The following CXADR variants were observed in gnomAD, a reference collection of about 807,000 sequenced individuals.
CXADR encodes the protein coxsackievirus and adenovirus receptor.
CXADR carries 20 observed loss-of-function variants against 40.3 expected under a neutral mutation model. The observed-to-expected ratio is 0.50, with a 90% CI of 0.35 to 0.72. The LOEUF (loss-of-function observed/expected upper bound fraction) is 0.72. Among genes scored for constraint, CXADR ranks in the 30% least tolerant of loss-of-function variants. The pLI, the probability that CXADR is intolerant of heterozygous loss-of-function variation, is 0.01. For missense variants in CXADR, 332 were observed against 449.1 expected (o/e 0.74, Z 2.36); for synonymous variants, 150 against 161.3 (o/e 0.93, Z 0.53).
chr21:17,578,373 A>G (rs1157893645), intron 7 of CXADR, among the ~76,000 whole-genome samples: 1 of 152,242 alleles, frequency 6.6e-6, no homozygotes, highest in African/African-American at 2.4e-5. Flanking sequence ...TGAAAGGTGT[A>G]TGGTGAAATC....
chr21:17,567,843 A>T lies in CXADR; in HGVS notation c.*2151A>T, dbSNP rs2061230966. 7.3e-6 allele frequency: 7 copies of T among 959,324 alleles called. No individual in the cohort carries two copies. Among genetic ancestry groups the T allele is most frequent in the Middle Eastern group, 5.3e-4 (1 of 1,876 alleles). 59.4% of individuals were successfully genotyped at this position (959,324 alleles called of 1,614,324 possible). Reference sequence around the variant, plus strand: ...GTAGAAGTTATCATAGAAAGTGGACACGTATAAGACTTTCCTTCCTTTTTT... The same window carrying T: ...GTAGAAGTTATCATAGAAAGTGGACTCGTATAAGACTTTCCTTCCTTTTTT... On this transcript the variant is annotated 3_prime_UTR_variant, in exon 7 of 7. Transcript: ENST00000284878.
chr21:17,518,898 C>T, intron 1 of CXADR: 2 of 1,576,718 alleles, frequency 1.3e-6, no homozygotes, highest in Non-Finnish European at 1.7e-6. Context: ...TGTCATCAGC[C>T]ATGGCTGTTT....
chr21:17,604,183 C>A, the CXADR span: 1 of 1,256,448 alleles, frequency 8.0e-7, no homozygotes, highest in South Asian at 1.3e-5. Context: ...GTGGCTCACG[C>A]CTGTAATCCA....
intron 1 of CXADR, among the ~76,000 whole-genome samples, chr21:17,531,539 C>G (rs2060676286): frequency 6.6e-6 from 1 of 152,142 alleles, no homozygotes; most frequent in Non-Finnish European, 1.5e-5. Flanking sequence ...TCATGTCAGA[C>G]TTTTTCTGCT....
At chr21:17,594,721 A>C (rs371833868), downstream of CXADR, among the ~76,000 whole-genome samples, 144 of 152,210 alleles carry the variant, frequency 9.5e-4, 3 homozygotes, top group South Asian at 0.028. Context: ...GGAGGCCATT[A>C]TCCTTAGCAA....
intron 6 of CXADR, 61 bp downstream of exon 6, chr21:17,561,537 A>G (rs760896186): frequency 3.6e-5 from 52 of 1,438,552 alleles, no homozygotes; most frequent in Non-Finnish European, 6.6e-6. Flanking sequence ...TCTCTAAAGC[A>G]TTCGTTCTCT....
the CXADR span, chr21:17,604,990 G>A: frequency 1.2e-6 from 2 of 1,613,616 alleles, no homozygotes; most frequent in Non-Finnish European, 1.7e-6. Context: ...TTATTGACAC[G>A]AATACATCTA....
chr21:17,592,788 G>A (rs1049120656), intron 7 of CXADR, among the ~76,000 whole-genome samples: 4 of 151,806 alleles, frequency 2.6e-5, no homozygotes, highest in Non-Finnish European at 4.4e-5. Context: ...TTAAAATTGT[G>A]TATGGCTTAA....
Position 17,592,704 on chromosome 21 carries a change from TAAAC to T in CXADR, c.1018-442_1018-439del, listed in dbSNP as rs202195523. 4.5e-3 allele frequency among the ~76,000 whole-genome samples: 681 copies of T among 151,968 alleles called. 22 individuals carry two copies. The East Asian group carries it at 0.079, about 18-fold the overall frequency. On this transcript the variant is annotated intron_variant, in intron 7 of 7. Coordinates refer to the CXADR transcript ENST00000400169. ...AAACGCATCTCCCTTGTGACACTAA[TAAAC>T]AAACATGCTCATGTTTGAATAGGCA...
At chr21:17,590,547 G>A (rs947514939) in intron 7 of CXADR, among the ~76,000 whole-genome samples, 17 of 152,024 alleles carry the variant, frequency 1.1e-4, no homozygotes, top group African/African-American at 4.1e-4. Context: ...GTGCTCATGA[G>A]TGCTTGTGTG....
intron 1 of CXADR, among the ~76,000 whole-genome samples, chr21:17,533,327 G>A (rs549295020): frequency 1.3e-5 from 2 of 152,292 alleles, no homozygotes; most frequent in South Asian, 2.1e-4. Flanking sequence ...TACTAGAAAT[G>A]TAGCATAGAA....
chr21:17,620,490 T>C, the CXADR span, among the ~76,000 whole-genome samples: 1 of 152,170 alleles, frequency 6.6e-6, no homozygotes, highest in East Asian at 1.9e-4. Flanking sequence ...TTAACAGATA[T>C]ATTAATTTTG....
intron 1 of CXADR, among the ~76,000 whole-genome samples, chr21:17,533,298 C>T (rs1325254202): frequency 2.0e-5 from 3 of 152,174 alleles, no homozygotes; most frequent in African/African-American, 7.2e-5. Flanking sequence ...ACCCCTGAAC[C>T]ATGTGCCACC....
chr21:17,561,475 A>C lies in CXADR; in HGVS notation c.832A>C (p.Arg278=), dbSNP rs2061119921. 1 of 1,605,180 alleles carries C rather than the reference A, an allele frequency of 6.2e-7. No homozygotes were observed. The highest frequency in any genetic ancestry group is 1.1e-5 in the South Asian group (1 of 89,114). ...KYEKEVHHDI[R]EDVPPPKSRT... ...TGAAAAGGAAGTTCATCACGATATC[A>C]GGTAATTAAGTGAGACAGGAGTTGA... Residue 278 remains arginine, a splice_region_variant and synonymous_variant, in exon 6 of 7, where the codon AGG becomes CGG. Coordinates refer to ENST00000284878, the MANE Select transcript of CXADR (RefSeq NM_001338.5).
At chr21:17,539,458 A>G (rs2060800062) in intron 1 of CXADR, among the ~76,000 whole-genome samples, 1 of 151,990 alleles carries the variant, frequency 6.6e-6, no homozygotes, top group Admixed American at 6.5e-5. Flanking sequence ...CATTTTTCTT[A>G]TTTCAGTGCC....
chr21:17,608,373 C>CA, the CXADR span, among the ~76,000 whole-genome samples: 28,904 of 136,824 alleles, frequency 0.21, 2,868 homozygotes, highest in East Asian at 0.36. Context: ...AACAATACCA[C>CA]AAAAAAAAAA....
chr21:17,602,333 CTA>C, the CXADR span, among the ~76,000 whole-genome samples: 2 of 152,102 alleles, frequency 1.3e-5, no homozygotes, highest in Admixed American at 1.3e-4. Flanking sequence ...TAAGTGAAGA[CTA>C]TGAAGAATGT....
At chr21:17,514,327 G>A (rs1385563535) in intron 1 of CXADR, among the ~76,000 whole-genome samples, 2 of 151,942 alleles carry the variant, frequency 1.3e-5, no homozygotes, top group East Asian at 3.9e-4. Context: ...CATTACTCAT[G>A]GGATCAACAT....
chr21:17,561,322 A>C lies in CXADR; in HGVS notation c.695-16A>C, dbSNP rs2061116992. 6.7e-7 allele frequency: 1 copy of C among 1,485,362 alleles called. No individual in the cohort carries two copies. Among genetic ancestry groups the C allele is most frequent in the Admixed American group, 2.1e-5 (1 of 47,450 alleles). The allele number at this position is 1,485,362 out of a possible 1,614,324, so 92.0% of individuals were successfully genotyped here. ...TATATGTATATATTTTTTACTATTA[A>C]TTCTTCTTATTTTAGCTTCAAATAA... On this transcript the variant is annotated splice_polypyrimidine_tract_variant and intron_variant, in intron 5 of 6. Transcript: ENST00000284878.
Sources: allele counts gnomAD v4.1 joint callset (sites outside exome capture counted in the v4.1 genomes callset), GRCh38; gene constraint gnomAD v4.1.1; transcripts MANE v1.5; gene names NCBI Gene and HGNC (gene_info 2026-07-23, HGNC 2026-07-21).